COL24A1: variants seen among roughly 807,000 people sequenced by gnomAD.
COL24A1 encodes the protein collagen alpha-1(XXIV) chain.
COL24A1 carries 224 observed loss-of-function variants against 253.9 expected under a neutral mutation model. That is an observed-to-expected ratio of 0.88 (90% CI 0.79 to 0.99). The LOEUF is 0.99. Ranked by LOEUF, COL24A1 falls within the 50% of genes least tolerant of loss-of-function variation. The probability of loss-of-function intolerance (pLI) is 0.00; values close to 1 mark genes in which losing one functional copy is unlikely to be tolerated. For missense variants in COL24A1, 2,131 were observed against 2,068.5 expected (o/e 1.03, Z -0.59); for synonymous variants, 685 against 673.7 (o/e 1.02, Z -0.26).
rs188610899 is a variant in COL24A1 at position 85,778,585 on chromosome 1, G to A, written c.4338+2635C>T. On this transcript the variant is annotated intron_variant, in intron 52 of 59. Transcript: ENST00000370571. ...TCCCCAATCCTTAAGCTACATGTTAGTTTTCTAGATTATTCTTCAATTTTT... is the reference window on the plus strand; with the variant it reads ...TCCCCAATCCTTAAGCTACATGTTAATTTTCTAGATTATTCTTCAATTTTT... Among the ~76,000 whole-genome samples, 9 of 147,658 alleles carry A rather than the reference G, an allele frequency of 6.1e-5. No homozygotes were observed. In the East Asian group the frequency reaches 1.8e-3, roughly 30 times the overall value.
chr1:85,770,089 C>A (rs573091893), intron 53 of COL24A1, among the ~76,000 whole-genome samples: 1 of 152,224 alleles, frequency 6.6e-6, no homozygotes, highest in South Asian at 2.1e-4. Context: ...TTTCACTCTT[C>A]CTTGGAAATA....
At chr1:85,933,472 C>G (rs146386027) in intron 24 of COL24A1, among the ~76,000 whole-genome samples, 1 of 152,288 alleles carries the variant, frequency 6.6e-6, no homozygotes, top group Non-Finnish European at 1.5e-5. Context: ...CTCCCAAAGA[C>G]TATTTCCTAG....
chr1:85,820,918 G>T (rs1445492780), intron 45 of COL24A1, among the ~76,000 whole-genome samples: 1 of 152,118 alleles, frequency 6.6e-6, no homozygotes, highest in Non-Finnish European at 1.5e-5. Context: ...TAATACAAAC[G>T]CTTGTTTTTT....
chr1:85,999,500 G>A (rs965064716), intron 19 of COL24A1, among the ~76,000 whole-genome samples: 3 of 152,014 alleles, frequency 2.0e-5, no homozygotes, highest in Admixed American at 6.6e-5. Flanking sequence ...GTGCATGCCT[G>A]TGGTCCAAGC....
chr1:85,916,002 T>C (rs1280262716), intron 24 of COL24A1, among the ~76,000 whole-genome samples: 1 of 152,160 alleles, frequency 6.6e-6, no homozygotes, highest in Non-Finnish European at 1.5e-5. Context: ...ACCAGAACAA[T>C]ATAACCTACA....
chr1:85,801,539 T>C (rs2170332), intron 47 of COL24A1, among the ~76,000 whole-genome samples: 1 of 152,236 alleles, frequency 6.6e-6, no homozygotes, highest in African/African-American at 2.4e-5. Flanking sequence ...TTGATTCTAG[T>C]AACATCATTT....
chr1:86,011,341 G>T (rs551670), intron 19 of COL24A1, among the ~76,000 whole-genome samples: 1 of 151,850 alleles, frequency 6.6e-6, no homozygotes, highest in Non-Finnish European at 1.5e-5. Context: ...CTAATTACTC[G>T]GTGGAAATAA....
chr1:86,125,387 G>A lies in COL24A1; in HGVS notation c.949C>T (p.Leu317Phe). The change falls in exon 3 of 60, where the codon CTT (leucine) becomes TTT (phenylalanine). Residue 317 changes from leucine (L) to phenylalanine (F), a missense_variant. Leu to Phe is a conservative substitution (Grantham distance 22, BLOSUM62 0). Coordinates refer to ENST00000370571, the MANE Select transcript of COL24A1 (RefSeq NM_152890.7). ...ACAGCAGAGACATTTCCTGACTGAA[G>A]AGAAGATAACTGAGATCTTGATATC... ...HQISRSQLSS[L>F]QSGNVSAVDL... The A allele has an allele frequency of 1.9e-6, 3 of 1,613,650 alleles. No homozygotes were observed. The highest frequency in any genetic ancestry group is 2.5e-6 in the Non-Finnish European group (3 of 1,179,812).
chr1:86,047,642 G>A (rs1006322638), intron 11 of COL24A1, among the ~76,000 whole-genome samples: 11 of 151,830 alleles, frequency 7.2e-5, no homozygotes, highest in African/African-American at 2.7e-4. Flanking sequence ...AAATCTTCAT[G>A]TATATATACA....
intron 32 of COL24A1, among the ~76,000 whole-genome samples, chr1:85,879,531 T>G (rs573172924): frequency 3.0e-4 from 46 of 152,288 alleles, no homozygotes; most frequent in African/African-American, 1.1e-3. Context: ...AGTGCCAACC[T>G]CCTGCAGAGT....
chr1:85,920,454 T>C (rs1383540703), intron 24 of COL24A1, among the ~76,000 whole-genome samples: 1 of 152,194 alleles, frequency 6.6e-6, no homozygotes, highest in Non-Finnish European at 1.5e-5. Context: ...ATTGGTTATA[T>C]ACTATAGACG....
At chr1:85,926,013 G>T (rs1392548652) in intron 24 of COL24A1, among the ~76,000 whole-genome samples, 1 of 152,162 alleles carries the variant, frequency 6.6e-6, no homozygotes, top group African/African-American at 2.4e-5. Flanking sequence ...AGTGGGCAAA[G>T]GATATGAACA....
intron 24 of COL24A1, among the ~76,000 whole-genome samples, chr1:85,926,799 T>C (rs1314513504): frequency 6.6e-6 from 1 of 151,814 alleles, no homozygotes; most frequent in African/African-American, 2.4e-5. Flanking sequence ...ACATGTACCC[T>C]AGAACTTAAA....
At position 86,063,721 on chromosome 1, in the gene COL24A1, A is replaced by C. The variant is rs765726372; in HGVS notation, c.1746T>G (p.Gly582=). Residue 582 remains glycine (G), a synonymous_variant, in exon 8 of 60, where the codon GGT becomes GGG. Transcript: ENST00000370571. ...KGHPGLPGLP[G]EQGIPGFAGN... The stretch of plus-strand genomic sequence containing the variant: ...TTATAAAGGAAGTACCTACTTGTTC[A>C]CCTGGAAGTCCTGGGAGTCCAGGAT... The C allele has an allele frequency of 1.3e-6, 2 of 1,552,348 alleles. No homozygotes were observed. The highest frequency in any genetic ancestry group is 4.8e-5 in the East Asian group (2 of 41,860).
chr1:85,900,571 T>G (rs1162922759), intron 28 of COL24A1, among the ~76,000 whole-genome samples: 1 of 152,028 alleles, frequency 6.6e-6, no homozygotes, highest in Non-Finnish European at 1.5e-5. Context: ...CCCAGGAATT[T>G]GAGGCAGCAA....
At chr1:85,894,017 ATCTT>A (rs1476355693) in intron 31 of COL24A1, among the ~76,000 whole-genome samples, 5 of 152,180 alleles carry the variant, frequency 3.3e-5, no homozygotes, top group African/African-American at 1.2e-4. Context: ...CCTCGAATTT[ATCTT>A]TCTAATATAC....
intron 12 of COL24A1, among the ~76,000 whole-genome samples, chr1:86,041,800 T>C (rs1238911395): frequency 6.6e-6 from 1 of 152,120 alleles, no homozygotes; most frequent in African/African-American, 2.4e-5. Flanking sequence ...AGTAGTTCTA[T>C]GGTGTTTAAA....
intron 7 of COL24A1, among the ~76,000 whole-genome samples, chr1:86,072,660 G>A (rs894724653): frequency 2.0e-5 from 3 of 152,134 alleles, no homozygotes; most frequent in Non-Finnish European, 4.4e-5. Context: ...CTCCTCAAGT[G>A]GGTCCCTGAC....
chr1:86,091,822 A>G (rs1346024233), intron 6 of COL24A1, among the ~76,000 whole-genome samples: 1 of 152,160 alleles, frequency 6.6e-6, no homozygotes, highest in Non-Finnish European at 1.5e-5. Context: ...CAATGGGAAA[A>G]CAAGATAGTG....
Sources: gnomAD v4.1 joint callset for allele counts (sites outside exome capture counted in the v4.1 genomes callset) on GRCh38, gnomAD v4.1.1 for gene constraint, MANE v1.5 for transcripts, NCBI Gene and HGNC (gene_info 2026-07-23, HGNC 2026-07-21) for gene names.